The following RIMBP2 variants were observed in gnomAD, a reference collection of about 807,000 sequenced individuals.
RIMBP2 encodes the protein RIMS binding protein 2.
RIMBP2 carries 48 observed loss-of-function variants against 118.6 expected under a neutral mutation model. The ratio of observed to expected loss-of-function variants is 0.40; its 90% CI spans 0.32 to 0.51. The LOEUF (loss-of-function observed/expected upper bound fraction) is 0.51, where lower values mean the gene tolerates loss of function less well. RIMBP2 is among the 20% of genes least tolerant of loss of function. The pLI is 0.41. For missense variants in RIMBP2, 1,551 were observed against 1,768.3 expected, an observed-to-expected ratio of 0.88 and a Z score of 2.20; for synonymous variants, 762 against 742.9, an observed-to-expected ratio of 1.03 and a Z score of -0.42.
intron 2 of RIMBP2, among the ~76,000 whole-genome samples, chr12:130,557,773 T>C (rs867625606): frequency 1.7e-4 from 26 of 152,346 alleles, no homozygotes; most frequent in Middle Eastern, 3.4e-3. Flanking sequence ...AAATCCTCTT[T>C]TTTCCTGTAC....
chr12:130,463,046 C>T lies in RIMBP2; in HGVS notation c.154-6346G>A, dbSNP rs79168477. 5.5e-3 allele frequency among the ~76,000 whole-genome samples: 845 copies of T among 152,352 alleles called. 15 individuals carry two copies. The highest frequency in any genetic ancestry group is 0.02 in the African/African-American group (820 of 41,590). ...GCGTCTTGGCAGCAGGGAAGGCTCT[C>T]GTGACTGCCAGGGGGGTCCCTGCTG... On this transcript the variant is annotated intron_variant, in intron 6 of 22. Coordinates refer to ENST00000690449, the MANE Select transcript of RIMBP2 (RefSeq NM_001393629.1).
intron 2 of RIMBP2, among the ~76,000 whole-genome samples, chr12:130,602,989 T>G (rs773873381): frequency 6.6e-6 from 1 of 152,178 alleles, no homozygotes; most frequent in African/African-American, 2.4e-5. Flanking sequence ...GCAGCACTGG[T>G]CAGTGAAGCA....
chr12:130,406,143 TG>T, intron 21 of RIMBP2, 28 bp downstream of exon 21: 2 of 1,275,666 alleles, frequency 1.6e-6, no homozygotes, highest in Admixed American at 1.8e-5. Context: ...AAAAATCAAA[TG>T]GTACTTCTTG....
In RIMBP2 at chr12:130,646,130, TCCACCTCCCTCA is replaced by T. The variant is rs1351395199; in HGVS notation, c.-351-17686_-351-17675del. On this transcript the variant is annotated intron_variant, in intron 1 of 22. Coordinates refer to ENST00000690449, the MANE Select transcript of RIMBP2 (RefSeq NM_001393629.1). ...CTCCACCTCCCTCACCACCTGCCTCTCCACCTCCCTCACCACCTGCCTCTCCACCTCCCTCAC... is the reference window on the plus strand; with the variant it reads ...CTCCACCTCCCTCACCACCTGCCTCTCCACCTGCCTCTCCACCTCCCTCAC... Among the ~76,000 whole-genome samples the T allele has an allele frequency of 1.4e-3, 34 of 24,412 alleles. 2 individuals carry two copies. Among genetic ancestry groups the T allele is most frequent in the Admixed American group, 2.5e-3 (5 of 2,020 alleles). 16.0% of individuals were successfully genotyped at this position (24,412 alleles called of 152,430 possible).
At chr12:130,530,357 C>A (rs1215031483) in intron 2 of RIMBP2, among the ~76,000 whole-genome samples, 1 of 152,130 alleles carries the variant, frequency 6.6e-6, no homozygotes, top group Non-Finnish European at 1.5e-5. Flanking sequence ...TGTGACTCTA[C>A]CAAATGCTTG....
At position 130,446,822 on chromosome 12, in the gene RIMBP2, G is replaced by A. The variant is rs2078559261; in HGVS notation, c.582-1553C>T. 6.6e-6 allele frequency among the ~76,000 whole-genome samples: 1 copy of A among 152,186 alleles called. No individual in the cohort carries two copies. Among genetic ancestry groups the A allele is most frequent in the African/African-American group, 2.4e-5 (1 of 41,436 alleles). On this transcript the variant is annotated intron_variant, in intron 9 of 22. Transcript: ENST00000690449. The surrounding 1 kb of genome is among the most constrained non-coding windows in gnomAD (Gnocchi z 4.1). The stretch of plus-strand genomic sequence containing the variant: ...CGTTTTACAAAGAGACCTCGTGGGT[G>A]CTGTGTGGATGGAGCTTGGTGGAGG...
intron 2 of RIMBP2, among the ~76,000 whole-genome samples, chr12:130,564,450 C>T (rs964002860): frequency 2.6e-5 from 4 of 152,062 alleles, no homozygotes; most frequent in African/African-American, 7.2e-5. Flanking sequence ...GTTAACATTT[C>T]GCCAGCAACA....
chr12:130,557,604 G>T (rs1022767544), intron 2 of RIMBP2, among the ~76,000 whole-genome samples: 7 of 152,182 alleles, frequency 4.6e-5, no homozygotes, highest in Non-Finnish European at 1.0e-4. Context: ...AGCTGTGCCC[G>T]AACTCTTGAC....
At position 130,577,928 on chromosome 12, in the gene RIMBP2, AT is replaced by A. The variant is rs2058203120; in HGVS notation, c.-217+50393del. 7.9e-5 allele frequency among the ~76,000 whole-genome samples: 12 copies of A among 152,320 alleles called. No individual in the cohort carries two copies. In the South Asian group the frequency reaches 2.5e-3, roughly 32 times the overall value. ...GTGGTATACAGGTAACTATATGCCGATTAGCTTGATAGTGGTAATCATTTCA... is the reference window on the plus strand; with the variant it reads ...GTGGTATACAGGTAACTATATGCCGATAGCTTGATAGTGGTAATCATTTCA... On this transcript the variant is annotated intron_variant, in intron 2 of 22. Coordinates refer to ENST00000690449, the MANE Select transcript of RIMBP2 (RefSeq NM_001393629.1).
intron 4 of RIMBP2, among the ~76,000 whole-genome samples, chr12:130,502,546 G>A (rs1343837263): frequency 1.3e-5 from 2 of 152,020 alleles, no homozygotes; most frequent in Non-Finnish European, 2.9e-5. Flanking sequence ...AACACTGACA[G>A]GGCTGCTTCC....
At chr12:130,638,762 G>A (rs540145657) in intron 1 of RIMBP2, among the ~76,000 whole-genome samples, 8 of 151,380 alleles carry the variant, frequency 5.3e-5, no homozygotes, top group South Asian at 4.2e-4. Flanking sequence ...TATGGAGATC[G>A]TTAAAAAAAA....
rs1443035732 is a variant in RIMBP2, at chr12:130,422,802, G to A, written c.3130-241C>T. On this transcript the variant is annotated intron_variant, in intron 16 of 22. Transcript: ENST00000690449. The surrounding 1 kb of genome is among the most constrained non-coding windows in gnomAD (Gnocchi z 5.2). ...GAGGGCAAAAATAATTCCTTGTGGG[G>A]GGGTCTCTTTTGGTTGCTGCTGCTG... 2.0e-5 allele frequency among the ~76,000 whole-genome samples: 3 copies of A among 152,132 alleles called. No homozygotes were observed. The highest frequency in any genetic ancestry group is 4.4e-5 in the Non-Finnish European group (3 of 68,034).
chr12:130,545,850 T>C (rs2055088418), intron 2 of RIMBP2, among the ~76,000 whole-genome samples: 3 of 152,204 alleles, frequency 2.0e-5, no homozygotes, highest in African/African-American at 4.8e-5. Flanking sequence ...GTTTAAAATA[T>C]ATTCTGTGCC....
chr12:130,711,752 G>T (rs990137318), intron 1 of RIMBP2, among the ~76,000 whole-genome samples: 11 of 152,238 alleles, frequency 7.2e-5, no homozygotes, highest in Admixed American at 1.3e-4. Flanking sequence ...TGACTGGCTT[G>T]TTCAAAGATA....
rs117231958 is a variant in RIMBP2 at position 130,447,422 on chromosome 12, C to T, written c.582-2153G>A. Among the ~76,000 whole-genome samples the T allele has an allele frequency of 1.1e-4, 17 of 152,100 alleles. No homozygotes were observed. The East Asian group carries it at 1.2e-3, about 10-fold the overall frequency. ...ACTGTGTGGATGAGACCAGGGGACA[C>T]GTCGGGAATGGGGACTCAACAGAGA... On this transcript the variant is annotated intron_variant, in intron 9 of 22. Coordinates refer to ENST00000690449, the MANE Select transcript of RIMBP2 (RefSeq NM_001393629.1). This position sits in a 1 kb window ranked among gnomAD's most constrained non-coding sequence, Gnocchi z 4.4.
intron 2 of RIMBP2, among the ~76,000 whole-genome samples, chr12:130,535,248 C>T (rs1428059594): frequency 1.3e-5 from 2 of 152,056 alleles, no homozygotes; most frequent in East Asian, 1.9e-4. Flanking sequence ...CTCCTAATCC[C>T]AGTGCTTTGG....
intron 11 of RIMBP2, among the ~76,000 whole-genome samples, chr12:130,440,995 C>T (rs2078073490): frequency 6.6e-6 from 1 of 152,148 alleles, no homozygotes; most frequent in Non-Finnish European, 1.5e-5. Flanking sequence ...ACCATCTCCC[C>T]AGGAAAGGAA....
intron 2 of RIMBP2, among the ~76,000 whole-genome samples, chr12:130,587,125 T>C (rs1346497755): frequency 1.3e-5 from 2 of 149,500 alleles, no homozygotes; most frequent in East Asian, 2.0e-4. Context: ...AAAACCACAA[T>C]GAGATACCAT....
Position 130,511,635 on chromosome 12 carries a change from T to C in RIMBP2, c.-126-4865A>G, listed in dbSNP as rs2138931551. Among the ~76,000 whole-genome samples, 1 of 152,322 alleles carries C rather than the reference T, an allele frequency of 6.6e-6. No individual in the cohort carries two copies. Among genetic ancestry groups the C allele is most frequent in the South Asian group, 2.1e-4 (1 of 4,826 alleles). On this transcript the variant is annotated intron_variant, in intron 3 of 22. Transcript: ENST00000690449. The surrounding 1 kb of genome is among the most constrained non-coding windows in gnomAD (Gnocchi z 4.3). Reference sequence around the variant, plus strand: ...GCAACCCTCAATTGCTTTTGGAGTATGCGCCATCTCTCTCCTGCTGGGACC... The same window carrying C: ...GCAACCCTCAATTGCTTTTGGAGTACGCGCCATCTCTCTCCTGCTGGGACC...
Sources: allele counts gnomAD v4.1 joint callset (sites outside exome capture counted in the v4.1 genomes callset), GRCh38; gene constraint gnomAD v4.1.1; non-coding constraint Gnocchi (gnomAD v3.1); transcripts MANE v1.5; gene names NCBI Gene and HGNC (gene_info 2026-07-23, HGNC 2026-07-21).